BICD1: variants seen among roughly 807,000 people sequenced by gnomAD.
BICD1 encodes the protein protein bicaudal D homolog 1.
Under a neutral mutation model 92.5 loss-of-function variants are expected in BICD1, and 35 were observed. That is an observed-to-expected ratio of 0.38 (90% confidence interval 0.29 to 0.50). BICD1 has a LOEUF of 0.50. BICD1 is among the 20% of genes least tolerant of loss of function. BICD1 has a pLI of 0.93. For missense variants in BICD1, 950 were observed against 1,189.8 expected (o/e 0.80, Z 2.97); for synonymous variants, 429 against 465.1 (o/e 0.92, Z 1.00).
Position 32,165,513 on chromosome 12 carries a change from C to CACAAA in BICD1, c.214-50717_214-50713dup, listed in dbSNP as rs61589770. Among the ~76,000 whole-genome samples, 1,419 of 151,744 alleles carry CACAAA rather than the reference C, an allele frequency of 9.4e-3. 24 individuals are homozygous for CACAAA. The highest frequency in any genetic ancestry group is 0.033 in the African/African-American group (1,344 of 41,294). On this transcript the variant is annotated intron_variant, in intron 1 of 9. Transcript: ENST00000652176. Reference sequence around the variant, plus strand: ...CCTGGGCGACAGAGCGAGACTCCGTCACAAAACAAAACAAAACAAAAATTA... The same window carrying CACAAA: ...CCTGGGCGACAGAGCGAGACTCCGTCACAAAACAAAACAAAACAAAACAAAAATTA...
At chr12:32,129,374 A>C (rs1942454652) in intron 1 of BICD1, among the ~76,000 whole-genome samples, 1 of 151,624 alleles carries the variant, frequency 6.6e-6, no homozygotes, top group Non-Finnish European at 1.5e-5. Flanking sequence ...AAATAAAAAA[A>C]ATTAGCCAGG....
intron 1 of BICD1, among the ~76,000 whole-genome samples, chr12:32,202,414 TCTATA>T (rs1474705975): frequency 1.3e-5 from 2 of 152,168 alleles, no homozygotes; most frequent in African/African-American, 4.8e-5. Context: ...TTTGGTGTTA[TCTATA>T]TTTTCTTTAA....
chr12:32,306,065 C>G lies in BICD1; in HGVS notation c.948C>G (p.Asp316Glu). Residue 316 changes from aspartate (D) to glutamate (E), a missense_variant, in exon 4 of 10, where the codon GAC becomes GAG. By Grantham distance (45) the Asp-to-Glu change is conservative (BLOSUM62 2). This residue lies in a region of BICD1 where 246 missense variants were observed against 258.4 expected (regional missense o/e 0.95). Coordinates refer to ENST00000652176, the MANE Select transcript of BICD1 (RefSeq NM_001714.4). ...RKGESLNPVS[D>E]LFSELNISEI... Reference sequence around the variant, plus strand: ...GAGAGTCTCTGAACCCTGTCTCTGACTTATTCAGTGAGCTGAACATTTCAG... The same window carrying G: ...GAGAGTCTCTGAACCCTGTCTCTGAGTTATTCAGTGAGCTGAACATTTCAG... 1.2e-6 allele frequency: 2 copies of G among 1,613,534 alleles called. No individual in the cohort carries two copies. The highest frequency in any genetic ancestry group is 1.7e-6 in the Non-Finnish European group (2 of 1,179,852).
chr12:32,205,921 A>C (rs1945042862), intron 1 of BICD1, among the ~76,000 whole-genome samples: 1 of 151,936 alleles, frequency 6.6e-6, no homozygotes, highest in African/African-American at 2.4e-5. Context: ...ATTAGTTTGC[A>C]TTCTCTAGCA....
chr12:32,258,023 A>G (rs1258291834), intron 2 of BICD1, among the ~76,000 whole-genome samples: 1 of 152,226 alleles, frequency 6.6e-6, no homozygotes, highest in African/African-American at 2.4e-5. Flanking sequence ...TGGAGCATGT[A>G]TATGAGCATT....
intron 8 of BICD1, among the ~76,000 whole-genome samples, chr12:32,358,045 C>T (rs1939184909): frequency 6.6e-6 from 1 of 152,118 alleles, no homozygotes. Context: ...CCCTTCTGAT[C>T]CTCAGTGTTC....
intron 2 of BICD1, among the ~76,000 whole-genome samples, chr12:32,249,677 T>TTC (rs373946317): frequency 2.7e-5 from 4 of 147,248 alleles, no homozygotes; most frequent in East Asian, 1.9e-4. Flanking sequence ...GAGTTTTCTT[T>TTC]TCTCTCTCTC....
At chr12:32,362,282 C>T (rs768402692) in intron 8 of BICD1, among the ~76,000 whole-genome samples, 5 of 152,230 alleles carry the variant, frequency 3.3e-5, no homozygotes, top group Non-Finnish European at 7.3e-5. Flanking sequence ...ATTGCTTGAA[C>T]CCGCGAGGCG....
In BICD1 at chr12:32,219,542, C is replaced by T. The variant is rs554745473; in HGVS notation, c.426+3083C>T. Among the ~76,000 whole-genome samples, 500 of 152,076 alleles carry T rather than the reference C, an allele frequency of 3.3e-3. 5 individuals carry two copies. The highest frequency in any genetic ancestry group is 0.011 in the African/African-American group (470 of 41,494). On this transcript the variant is annotated intron_variant, in intron 2 of 9. Transcript: ENST00000652176. ...TATCATTAATAATGTTCTGCATACTCCAAAAATATCATTGACGATATGACT... is the reference window on the plus strand; with the variant it reads ...TATCATTAATAATGTTCTGCATACTTCAAAAATATCATTGACGATATGACT...
intron 2 of BICD1, among the ~76,000 whole-genome samples, chr12:32,260,770 G>A (rs150126552): frequency 6.6e-6 from 1 of 152,054 alleles, no homozygotes; most frequent in Non-Finnish European, 1.5e-5. Context: ...AAATGCTATT[G>A]GTTAGTTTTC....
At chr12:32,365,010 T>A (rs1464449138) in intron 8 of BICD1, among the ~76,000 whole-genome samples, 10 of 152,004 alleles carry the variant, frequency 6.6e-5, no homozygotes, top group African/African-American at 2.4e-4. Context: ...CCAAGGTGGG[T>A]GGATCACCCG....
chr12:32,303,004 G>GCTC (rs1948103754), intron 3 of BICD1, among the ~76,000 whole-genome samples: 1 of 148,506 alleles, frequency 6.7e-6, no homozygotes, highest in Non-Finnish European at 1.5e-5. Context: ...CACCATCAGG[G>GCTC]CTCACTGCAG....
chr12:32,293,686 T>TGTTCCC (rs1222225214), intron 2 of BICD1, among the ~76,000 whole-genome samples: 1 of 152,200 alleles, frequency 6.6e-6, no homozygotes, highest in African/African-American at 2.4e-5. Flanking sequence ...CATGATAATG[T>TGTTCCC]GTTCCCCAAA....
chr12:32,115,300 T>C (rs534049356), intron 1 of BICD1, among the ~76,000 whole-genome samples: 11 of 152,306 alleles, frequency 7.2e-5, no homozygotes, highest in African/African-American at 2.4e-4. Flanking sequence ...CTGTCTCTGT[T>C]GTTAACACTT....
At chr12:32,151,761 G>A (rs779664219) in intron 1 of BICD1, among the ~76,000 whole-genome samples, 10 of 152,154 alleles carry the variant, frequency 6.6e-5, no homozygotes, top group Non-Finnish European at 1.0e-4. Context: ...AGGCATATGA[G>A]CAATACCTGA....
chr12:32,161,666 A>G (rs1943606974), intron 1 of BICD1, among the ~76,000 whole-genome samples: 1 of 152,254 alleles, frequency 6.6e-6, no homozygotes, highest in Non-Finnish European at 1.5e-5. Flanking sequence ...GAACTTGAAG[A>G]GCAATCAGAG....
intron 2 of BICD1, among the ~76,000 whole-genome samples, chr12:32,263,444 G>A (rs1326411350): frequency 1.3e-5 from 2 of 151,274 alleles, no homozygotes; most frequent in African/African-American, 4.9e-5. Context: ...CTACTCGGGA[G>A]GCTGAGGCAG....
At chr12:32,150,176 A>G (rs1233316795) in intron 1 of BICD1, among the ~76,000 whole-genome samples, 1 of 152,202 alleles carries the variant, frequency 6.6e-6, no homozygotes, top group Non-Finnish European at 1.5e-5. Context: ...CTCCTACAAC[A>G]CATGGGAATT....
chr12:32,116,500 C>CTATATA (rs1565525044), intron 1 of BICD1, among the ~76,000 whole-genome samples: 24 of 73,534 alleles, frequency 3.3e-4, no homozygotes, highest in East Asian at 1.5e-3. Context: ...CTTTCTCTCT[C>CTATATA]TCTCTCTCTC....
Sources: allele counts gnomAD v4.1 joint callset (sites outside exome capture counted in the v4.1 genomes callset), GRCh38; gene constraint gnomAD v4.1.1; regional missense constraint gnomAD v4.1.1; transcripts MANE v1.5; gene names NCBI Gene and HGNC (gene_info 2026-07-23, HGNC 2026-07-21).